Variants in RUNX1T1 observed in about 807,000 individuals in gnomAD.
RUNX1T1 encodes protein CBFA2T1.
A neutral mutation model predicts 62.8 loss-of-function variants in RUNX1T1; 4 were observed. The observed-to-expected ratio is 0.06, with a 90% CI of 0.03 to 0.15. The LOEUF (loss-of-function observed/expected upper bound fraction) is 0.15, where lower values mean the gene tolerates loss of function less well. Ranked by LOEUF, RUNX1T1 falls within the 10% of genes least tolerant of loss-of-function variation. The pLI is 1.00. For synonymous variants in RUNX1T1, 291 were observed against 286.0 expected, an observed-to-expected ratio of 1.02 and a Z score of -0.18; for missense variants, 508 against 754.3, an observed-to-expected ratio of 0.67 and a Z score of 3.82.
intron 1 of RUNX1T1, among the ~76,000 whole-genome samples, chr8:92,055,298 G>A (rs897244574): frequency 6.6e-6 from 1 of 151,592 alleles, no homozygotes; most frequent in Non-Finnish European, 1.5e-5. Flanking sequence ...GTAGTAAGTA[G>A]TTAAACAATG....
intron 1 of RUNX1T1, among the ~76,000 whole-genome samples, chr8:92,036,870 C>A (rs1827511159): frequency 6.6e-6 from 1 of 152,168 alleles, no homozygotes; most frequent in Non-Finnish European, 1.5e-5. Context: ...CCCTCTAACT[C>A]CGATCTCCAA....
chr8:92,005,162 G>C, exon 5 of RUNX1T1: 12 of 1,613,844 alleles, frequency 7.4e-6, no homozygotes, highest in Non-Finnish European at 9.3e-6. Flanking sequence ...TCGAGAAGCA[G>C]CTCTGAGGAG....
chr8:92,017,100 T>G (rs919510568), intron 2 of RUNX1T1, 126 bp downstream of exon 3: 2 of 697,226 alleles, frequency 2.9e-6, no homozygotes, highest in Non-Finnish European at 4.9e-6. Context: ...ACAAATGATT[T>G]TTTTTGGTTC....
At chr8:92,049,529 A>G (rs193078372) in intron 1 of RUNX1T1, among the ~76,000 whole-genome samples, 4 of 152,298 alleles carry the variant, frequency 2.6e-5, no homozygotes, top group East Asian at 1.9e-4. Flanking sequence ...CAAGAATCTC[A>G]TAAGTGCTGA....
At chr8:92,022,424 T>C (rs1824301865) in intron 1 of RUNX1T1, among the ~76,000 whole-genome samples, 1 of 152,176 alleles carries the variant, frequency 6.6e-6, no homozygotes, top group Admixed American at 6.5e-5. Context: ...TTTCCCAAAA[T>C]TCATGTGTTG....
intron 1 of RUNX1T1, among the ~76,000 whole-genome samples, chr8:92,033,806 C>T (rs151233579): frequency 1.3e-5 from 2 of 152,138 alleles, no homozygotes; most frequent in Admixed American, 6.6e-5. Context: ...CCCGTCTCCA[C>T]TAAAAATACA....
rs75051662 is a variant in RUNX1T1 at position 91,984,275 on chromosome 8, T to C, written c.1198+1849A>G. On this transcript the variant is annotated intron_variant, in intron 8 of 10. Coordinates refer to ENST00000396218, the Ensembl canonical transcript of RUNX1T1. ...ATGATATATACCTATATCACCAGAATCTGTGTGTAGTAGTAGTGACTATAC... is the reference window on the plus strand; with the variant it reads ...ATGATATATACCTATATCACCAGAACCTGTGTGTAGTAGTAGTGACTATAC... Among the ~76,000 whole-genome samples the C allele has an allele frequency of 3.1e-3, 473 of 152,284 alleles. 7 individuals carry two copies. Among genetic ancestry groups the C allele is most frequent in the East Asian group, 0.017 (87 of 5,176 alleles).
At chr8:91,969,072 C>CA (rs567608188) in intron 10 of RUNX1T1, among the ~76,000 whole-genome samples, 11,048 of 135,042 alleles carry the variant, frequency 0.082, 1,303 homozygotes, top group African/African-American at 0.27. Flanking sequence ...CCCAAGAGGT[C>CA]AAAAAAAAAA....
chr8:92,078,386 G>T (rs1418303779), intron 1 of RUNX1T1, among the ~76,000 whole-genome samples: 1 of 152,052 alleles, frequency 6.6e-6, no homozygotes, highest in Non-Finnish European at 1.5e-5. Flanking sequence ...CTGTCACATG[G>T]AAGTGATAAT....
intron 5 of RUNX1T1, among the ~76,000 whole-genome samples, chr8:91,995,214 AATAATTCTTAAATGGT>A (rs1272207267): frequency 1.3e-5 from 2 of 152,210 alleles, no homozygotes; most frequent in Admixed American, 1.3e-4. Flanking sequence ...GAGTAATTTT[AATAATTCTTAAATGGT>A]TAGATACACA....
chr8:92,035,747 A>G (rs971042733), intron 1 of RUNX1T1, among the ~76,000 whole-genome samples: 4 of 151,254 alleles, frequency 2.6e-5, no homozygotes, highest in African/African-American at 7.3e-5. Context: ...GAAAATCAAG[A>G]TTGCCTTAGC....
At chr8:92,012,986 T>C (rs1399505768) in intron 3 of RUNX1T1, among the ~76,000 whole-genome samples, 1 of 152,118 alleles carries the variant, frequency 6.6e-6, no homozygotes, top group African/African-American at 2.4e-5. Flanking sequence ...AAAATCTACT[T>C]AAAGCTACCA....
upstream of RUNX1T1, among the ~76,000 whole-genome samples, chr8:92,065,594 G>A (rs1832756786): frequency 6.6e-6 from 1 of 152,190 alleles, no homozygotes; most frequent in Non-Finnish European, 1.5e-5. Context: ...GACAACTTTA[G>A]ATCATTCATT....
chr8:91,999,734 G>A (rs1819403093), intron 5 of RUNX1T1, among the ~76,000 whole-genome samples: 1 of 152,178 alleles, frequency 6.6e-6, no homozygotes, highest in Non-Finnish European at 1.5e-5. Context: ...GAAGTGTTCA[G>A]TAAATAGTAA....
At chr8:92,095,695 G>A (rs997729652) in intron 1 of RUNX1T1, 10 of 782,300 alleles carry the variant, frequency 1.3e-5, no homozygotes, top group Admixed American at 3.8e-5. Flanking sequence ...GATGGAGGAG[G>A]GGGCGGGGGC....
intron 10 of RUNX1T1, among the ~76,000 whole-genome samples, chr8:91,966,798 G>C (rs1407110911): frequency 6.6e-6 from 1 of 152,200 alleles, no homozygotes; most frequent in Non-Finnish European, 1.5e-5. Flanking sequence ...TCTGCCGCAA[G>C]TCCAGTGTCA....
chr8:91,960,332 C>G, exon 11 of RUNX1T1: 1 of 1,613,022 alleles, frequency 6.2e-7, no homozygotes, highest in Non-Finnish European at 8.5e-7. Context: ...GGCTCCCAGC[C>G]CCGCTGTTGG....
intron 2 of RUNX1T1, among the ~76,000 whole-genome samples, chr8:92,071,699 G>A (rs1430400864): frequency 1.3e-5 from 2 of 152,114 alleles, no homozygotes; most frequent in Non-Finnish European, 2.9e-5. Context: ...AGCGCCAGGC[G>A]GCTGTGAGAG....
At chr8:92,001,901 T>G (rs1232627085) in intron 5 of RUNX1T1, among the ~76,000 whole-genome samples, 2 of 152,340 alleles carry the variant, frequency 1.3e-5, no homozygotes, top group African/African-American at 2.4e-5. Flanking sequence ...GAAAGCATTA[T>G]CTAACAGTTC....
Sources: allele counts gnomAD v4.1 joint callset (sites outside exome capture counted in the v4.1 genomes callset), GRCh38; gene constraint gnomAD v4.1.1; transcripts MANE v1.5; gene names NCBI Gene and HGNC (gene_info 2026-07-23, HGNC 2026-07-21).